The following TRNT1 variants were observed in gnomAD, a reference collection of about 807,000 sequenced individuals.
The protein encoded by TRNT1 is CCA tRNA nucleotidyltransferase 1, mitochondrial.
TRNT1 carries 44 observed loss-of-function variants against 45.6 expected under a neutral mutation model. That is an observed-to-expected ratio of 0.97 (90% CI 0.76 to 1.24). The LOEUF is 1.24. Ranked by LOEUF, TRNT1 falls within the 50% of genes most tolerant of loss-of-function variation. TRNT1 has a pLI of 0.00. For missense variants in TRNT1, 633 were observed against 504.4 expected (o/e 1.25, Z -2.44); for synonymous variants, 201 against 171.4 (o/e 1.17, Z -1.35).
intron 6 of TRNT1, 150 bp downstream of exon 6, chr3:3,146,773 A>C: frequency 2.7e-6 from 2 of 738,238 alleles, no homozygotes; most frequent in Non-Finnish European, 2.1e-6. Context: ...TTATGGGGTA[A>C]GTTTTGTCGT....
chr3:3,127,020 AGAGTTGGTG>A (rs1704621441), intron 1 of TRNT1, 30 bp downstream of exon 1: 1 of 152,444 alleles, frequency 6.6e-6, no homozygotes, highest in South Asian at 2.1e-4. Flanking sequence ...TCAGAGGGGC[AGAGTTGGTG>A]GCGTGAGTTG....
In TRNT1 at chr3:3,146,570, A is replaced by T. The variant is rs569328524; in HGVS notation, c.749A>T (p.His250Leu). 1 of 1,613,996 alleles carries T rather than the reference A, an allele frequency of 6.2e-7. No homozygotes were observed. The highest frequency in any genetic ancestry group is 1.7e-5 in the Admixed American group (1 of 60,006). Reference protein sequence around the residue: ...VELKKILVGNHVNHLIHLIYD... With the variant: ...VELKKILVGNLVNHLIHLIYD... Reference sequence around the variant, plus strand: ...CTGAAAAAAATTCTTGTTGGTAACCATGTAAATCATTTGATTCACCTTATC... The same window carrying T: ...CTGAAAAAAATTCTTGTTGGTAACCTTGTAAATCATTTGATTCACCTTATC... Residue 250 changes from histidine to leucine, a missense_variant, in exon 6 of 8, where the codon CAT (histidine) becomes CTT (leucine). By Grantham distance (99) the His-to-Leu change is moderately conservative. Coordinates refer to ENST00000251607, the MANE Select transcript of TRNT1 (RefSeq NM_182916.3).
chr3:3,147,371 A>T, intron 6 of TRNT1, 79 bp from the exon 7 acceptor site: 2 of 1,520,138 alleles, frequency 1.3e-6, no homozygotes, highest in Non-Finnish European at 1.8e-6. Context: ...TCTGGATACT[A>T]AAATGGTGGC....
intron 4 of TRNT1, among the ~76,000 whole-genome samples, 154 bp from the exon 5 acceptor site, chr3:3,144,430 T>C (rs1431033784): frequency 6.6e-6 from 1 of 152,200 alleles, no homozygotes; most frequent in Admixed American, 6.5e-5. Flanking sequence ...TTGTCTTCCA[T>C]TTGATAGTTG....
chr3:3,146,668 T>A (rs767659325), intron 6 of TRNT1, 45 bp downstream of exon 6: 1 of 1,474,100 alleles, frequency 6.8e-7, no homozygotes, highest in African/African-American at 1.4e-5. Context: ...CAGTGAAATA[T>A]CTGGTTTCAA....
intron 2 of TRNT1, among the ~76,000 whole-genome samples, chr3:3,133,129 A>G (rs189900891): frequency 9.2e-5 from 14 of 152,326 alleles, no homozygotes; most frequent in Middle Eastern, 6.8e-3. Context: ...GTGTAAAATT[A>G]GTTTTCAGTA....
downstream of TRNT1, chr3:3,149,030 A>G (rs891402544): frequency 1.3e-5 from 2 of 151,776 alleles, no homozygotes; most frequent in African/African-American, 4.9e-5. Flanking sequence ...CAAACTGTTT[A>G]TTTCAGCTGC....
At position 3,137,255 on chromosome 3, in the gene TRNT1, C is replaced by G; in HGVS notation, c.149-5C>G. On this transcript the variant is annotated splice_polypyrimidine_tract_variant and splice_region_variant and intron_variant, in intron 2 of 7. Coordinates refer to ENST00000251607, the MANE Select transcript of TRNT1 (RefSeq NM_182916.3). ...GAATAAAAATCTTATTTTCTCTCAT[C>G]TCAGAATTATTTGTCAAAGAGAATC... 2.5e-6 allele frequency: 4 copies of G among 1,571,488 alleles called. No homozygotes were observed. Among genetic ancestry groups the G allele is most frequent in the Non-Finnish European group, 3.4e-6 (4 of 1,161,634 alleles).
intron 4 of TRNT1, 32 bp from the exon 5 acceptor site, chr3:3,144,552 G>T: frequency 1.3e-6 from 2 of 1,558,312 alleles, no homozygotes; most frequent in Non-Finnish European, 1.7e-6. Context: ...TTTGCCAATA[G>T]TGATTTTTCT....
chr3:3,149,810 TTAC>T (rs1292864341), downstream of TRNT1: 1 of 152,140 alleles, frequency 6.6e-6, no homozygotes, highest in Non-Finnish European at 1.5e-5. Flanking sequence ...CCTCATACTA[TTAC>T]TACATTTGAG....
intron 5 of TRNT1, among the ~76,000 whole-genome samples, chr3:3,146,023 C>A (rs1705994686): frequency 1.3e-5 from 2 of 150,390 alleles, no homozygotes; most frequent in Admixed American, 1.3e-4. Context: ...GGAATTCAGA[C>A]TACTCTGTTA....
At position 3,128,845 on chromosome 3, in the gene TRNT1, A is replaced by G. The variant is rs117625344; in HGVS notation, c.-27-169A>G. Among the ~76,000 whole-genome samples the G allele has an allele frequency of 1.1e-4, 16 of 152,324 alleles. No individual in the cohort carries two copies. In the East Asian group the frequency reaches 2.5e-3, roughly 24 times the overall value. On this transcript the variant is annotated intron_variant, in intron 1 of 7. Coordinates refer to ENST00000251607, the MANE Select transcript of TRNT1 (RefSeq NM_182916.3). ...GTGCTTCTGGAGAACAAAACCAGGT[A>G]GATACATAGACCTAGTCGTAATCCC...
At chr3:3,135,662 G>A (rs1705285631) in intron 2 of TRNT1, among the ~76,000 whole-genome samples, 2 of 152,200 alleles carry the variant, frequency 1.3e-5, no homozygotes, top group Admixed American at 6.5e-5. Context: ...AGAGTAGGTG[G>A]AAGAGGAGTG....
rs1462290778 is a variant in TRNT1, at chr3:3,137,208, CA to C, written c.149-51del. ...CTTGTACTTTTGTGGTTAAAATAAA[CA>C]CATTGAAATAAAGAACTTGGGAATA... is the stretch of plus-strand genomic sequence containing the variant. On this transcript the variant is annotated intron_variant, in intron 2 of 7. Coordinates refer to ENST00000251607, the MANE Select transcript of TRNT1 (RefSeq NM_182916.3). The C allele has an allele frequency of 2.1e-6, 3 of 1,433,998 alleles. No homozygotes were observed. In the African/African-American group the frequency reaches 4.3e-5, roughly 21 times the overall value. The allele number at this position is 1,433,998 out of a possible 1,614,324, so 88.8% of individuals were successfully genotyped here. A position where few individuals can be genotyped will look rare whatever the true frequency, so the allele number is the denominator to read the frequency against.
At chr3:3,132,745 C>A (rs13087741) in intron 2 of TRNT1, among the ~76,000 whole-genome samples, 115,980 of 129,910 alleles carry the variant, frequency 0.89, 52,052 homozygotes, top group East Asian at 0.99. Context: ...AAAAAAAAAA[C>A]ACAAAAAAAA....
chr3:3,133,183 A>C (rs756035146), intron 2 of TRNT1, among the ~76,000 whole-genome samples: 50 of 152,312 alleles, frequency 3.3e-4, no homozygotes, highest in African/African-American at 1.2e-3. Flanking sequence ...TTGTCATATC[A>C]TAAGGGTTTT....
rs934374461 is a variant in TRNT1 at position 3,144,740 on chromosome 3, G to C, written c.608+30G>C. ...GAATTTTTAAAAATAAAAAATGATA[G>C]TTTTAATATCATGACTAGAGCATAA... is the stretch of plus-strand genomic sequence containing the variant. On this transcript the variant is annotated intron_variant, in intron 5 of 7. Coordinates refer to ENST00000251607, the MANE Select transcript of TRNT1 (RefSeq NM_182916.3). 3.4e-6 allele frequency: 5 copies of C among 1,489,284 alleles called. 1 individual carries two copies. The African/African-American group carries it at 7.1e-5, about 21-fold the overall frequency. 92.3% of individuals were successfully genotyped at this position (1,489,284 alleles called of 1,614,324 possible). A position where few individuals can be genotyped will look rare whatever the true frequency, so the allele number is the denominator to read the frequency against.
intron 4 of TRNT1, among the ~76,000 whole-genome samples, chr3:3,143,332 A>G (rs191541311): frequency 6.6e-6 from 1 of 152,270 alleles, no homozygotes; most frequent in East Asian, 1.9e-4. Flanking sequence ...TTAATACTTG[A>G]GGTTTTATGT....
At chr3:3,139,102 A>C (rs1246967775) in intron 3 of TRNT1, among the ~76,000 whole-genome samples, 1 of 152,144 alleles carries the variant, frequency 6.6e-6, no homozygotes, top group Non-Finnish European at 1.5e-5. Context: ...TCTTGTTTTC[A>C]TTATGATGCT....
Sources: allele counts gnomAD v4.1 joint callset (sites outside exome capture counted in the v4.1 genomes callset), GRCh38; gene constraint gnomAD v4.1.1; transcripts MANE v1.5; gene names NCBI Gene and HGNC (gene_info 2026-07-23, HGNC 2026-07-21).